The following GPR107 variants were observed in gnomAD, a reference collection of about 807,000 sequenced individuals.
GPR107 encodes G protein-coupled receptor 107.
A neutral mutation model predicts 75.5 loss-of-function variants in GPR107; 31 were observed. The observed-to-expected ratio is 0.41, with a 90% CI of 0.31 to 0.55. GPR107 has a LOEUF of 0.55. Ranked by LOEUF, GPR107 falls within the 20% of genes least tolerant of loss-of-function variation. The pLI, the probability that GPR107 is intolerant of heterozygous loss-of-function variation, is 0.26. For synonymous variants in GPR107, 267 were observed against 251.3 expected (o/e 1.06, Z -0.59); for missense variants, 572 against 665.7 (o/e 0.86, Z 1.55).
chr9:130,079,248 C>T (rs1465364733), intron 4 of GPR107, among the ~76,000 whole-genome samples: 1 of 152,210 alleles, frequency 6.6e-6, no homozygotes, highest in Non-Finnish European at 1.5e-5. Context: ...CAGGCGTGAG[C>T]CACCATGCCT....
chr9:130,071,191 ATT>A (rs1233744458), intron 1 of GPR107, among the ~76,000 whole-genome samples: 44 of 134,942 alleles, frequency 3.3e-4, no homozygotes, highest in Admixed American at 3.8e-4. Flanking sequence ...CAACTGGCTA[ATT>A]TTTTTTTTTT....
At chr9:130,084,604 C>T (rs1486615647) in intron 6 of GPR107, among the ~76,000 whole-genome samples, 1 of 151,892 alleles carries the variant, frequency 6.6e-6, no homozygotes, top group Admixed American at 6.6e-5. Context: ...ATGGCGAAAC[C>T]TTATCTCTAC....
intron 1 of GPR107, among the ~76,000 whole-genome samples, chr9:130,056,034 G>A (rs1364449231): frequency 8.4e-6 from 1 of 118,852 alleles, no homozygotes; most frequent in African/African-American, 3.2e-5. Flanking sequence ...TTGTTTGTAG[G>A]TAAAAATTAT....
intron 8 of GPR107, among the ~76,000 whole-genome samples, chr9:130,091,201 T>G (rs9696633): frequency 6.6e-6 from 1 of 152,098 alleles, no homozygotes; most frequent in Non-Finnish European, 1.5e-5. Flanking sequence ...AGAATGTGGT[T>G]GTTTTGGCTG....
rs684948 is a variant in GPR107 at position 130,062,664 on chromosome 9, T to G, written c.141+8591T>G. ...TGCCTGCCTGCCTGCCTGCCTGCCTTCCTTCCTTCCTTCCTTCCTTCCTTC... is the reference window on the plus strand; with the variant it reads ...TGCCTGCCTGCCTGCCTGCCTGCCTGCCTTCCTTCCTTCCTTCCTTCCTTC... On this transcript the variant is annotated intron_variant, in intron 1 of 17. Coordinates refer to ENST00000347136, the MANE Select transcript of GPR107 (RefSeq NM_020960.5). Among the ~76,000 whole-genome samples the G allele has an allele frequency of 3.7e-3, 282 of 75,782 alleles. 2 individuals carry two copies. The highest frequency in any genetic ancestry group is 7.1e-3 in the Middle Eastern group (1 of 140). 49.7% of individuals were successfully genotyped at this position (75,782 alleles called of 152,430 possible). A position where few individuals can be genotyped will look rare whatever the true frequency, so the allele number is the denominator to read the frequency against.
intron 14 of GPR107, among the ~76,000 whole-genome samples, chr9:130,108,336 ACT>A (rs1312300027): frequency 1.3e-5 from 2 of 152,162 alleles, no homozygotes; most frequent in Non-Finnish European, 2.9e-5. Context: ...TTTGTTGCTG[ACT>A]CTATTTCTGA....
At chr9:130,095,562 T>C (rs562507064) in intron 9 of GPR107, among the ~76,000 whole-genome samples, 17 of 152,206 alleles carry the variant, frequency 1.1e-4, no homozygotes, top group Non-Finnish European at 2.4e-4. Context: ...GCCTGGCTTA[T>C]TTTTGTATTT....
chr9:130,108,976 A>T (rs1048717695), intron 14 of GPR107, among the ~76,000 whole-genome samples: 32 of 149,962 alleles, frequency 2.1e-4, no homozygotes, highest in African/African-American at 7.8e-4. Context: ...CACCTCTAGG[A>T]ATAATTGGGG....
At chr9:130,078,113 C>T (rs1021514942) in intron 4 of GPR107, among the ~76,000 whole-genome samples, 15 of 150,782 alleles carry the variant, frequency 9.9e-5, no homozygotes, top group African/African-American at 3.7e-4. Context: ...TGCGGTGAGC[C>T]GAGATCGCGC....
chr9:130,104,370 A>G (rs779262011), intron 12 of GPR107, 50 bp from the exon 13 acceptor site: 5 of 1,586,778 alleles, frequency 3.2e-6, no homozygotes, highest in South Asian at 2.2e-5. Flanking sequence ...TGCTAGCATC[A>G]TAACAGTCCA....
intron 3 of GPR107, among the ~76,000 whole-genome samples, 198 bp downstream of exon 3, chr9:130,076,660 G>A (rs1182727861): frequency 2.6e-5 from 4 of 152,038 alleles, no homozygotes; most frequent in South Asian, 4.1e-4. Flanking sequence ...GACTACCAGC[G>A]TGTGCCACCA....
rs1554899736 is a variant in GPR107 at position 130,135,075 on chromosome 9, C to A, written c.1613C>A (p.Thr538Asn). ...MESMKKVKKV[T>N]NGSVEPQGEW... ...AGTATGAAGAAAGTCAAGAAGGTGACCAACGGCTCCGTGGAGCCCCAGGGC... is the reference window on the plus strand; with the variant it reads ...AGTATGAAGAAAGTCAAGAAGGTGAACAACGGCTCCGTGGAGCCCCAGGGC... Residue 538 changes from threonine to asparagine, a missense_variant, in exon 18 of 18, where the codon ACC (threonine) becomes AAC (asparagine). Thr to Asn is a moderately conservative substitution (Grantham distance 65). Coordinates refer to ENST00000347136, the MANE Select transcript of GPR107 (RefSeq NM_020960.5). 6.2e-7 allele frequency: 1 copy of A among 1,611,556 alleles called. No individual in the cohort carries two copies. The highest frequency in any genetic ancestry group is 8.5e-7 in the Non-Finnish European group (1 of 1,178,378).
In GPR107 at chr9:130,103,433, G is replaced by A. The variant is rs117255951; in HGVS notation, c.1132-987G>A. Among the ~76,000 whole-genome samples the A allele has an allele frequency of 0.012, 1,854 of 152,260 alleles. 16 individuals are homozygous for A. Among genetic ancestry groups the A allele is most frequent in the Middle Eastern group, 0.017 (5 of 294 alleles). On this transcript the variant is annotated intron_variant, in intron 12 of 17. Transcript: ENST00000347136. The surrounding 1 kb of genome is among the most constrained non-coding windows in gnomAD (Gnocchi z 4.3). ...ATGATAACCTCTGCATCCATTCCCAGTGGTAATCTTCAAAAGGATGTATTA... is the reference window on the plus strand; with the variant it reads ...ATGATAACCTCTGCATCCATTCCCAATGGTAATCTTCAAAAGGATGTATTA...
At chr9:130,063,690 G>A (rs1331603288) in intron 1 of GPR107, among the ~76,000 whole-genome samples, 2 of 151,254 alleles carry the variant, frequency 1.3e-5, no homozygotes, top group African/African-American at 4.9e-5. Flanking sequence ...GATTGCTGGG[G>A]TTTCTTAATA....
intron 14 of GPR107, among the ~76,000 whole-genome samples, chr9:130,114,026 A>ATTATTT (rs1589522328): frequency 1.3e-5 from 1 of 75,410 alleles, no homozygotes. Flanking sequence ...TGGTCTTCTC[A>ATTATTT]TTCTTTTTTT....
intron 12 of GPR107, 66 bp from the exon 13 acceptor site, chr9:130,104,354 T>C: frequency 6.7e-7 from 1 of 1,498,910 alleles, no homozygotes; most frequent in Non-Finnish European, 9.2e-7. Flanking sequence ...CACCCCACAT[T>C]GGGGCTGCTA....
chr9:130,110,555 G>A (rs1589520002), intron 14 of GPR107: 2 of 655,872 alleles, frequency 3.0e-6, no homozygotes, highest in South Asian at 3.4e-5. Flanking sequence ...TGTCATTTTG[G>A]TTCATGTTCT....
intron 1 of GPR107, among the ~76,000 whole-genome samples, chr9:130,070,479 T>G (rs1031060759): frequency 6.6e-6 from 1 of 152,096 alleles, no homozygotes; most frequent in African/African-American, 2.4e-5. Context: ...ACTTTTTGTA[T>G]TTTTTGTAGA....
Position 130,135,143 on chromosome 9 carries a change from C to T in GPR107, c.*22C>T, listed in dbSNP as rs782171941. ...GTGACAGAGCCGACCCTGAGGATGGCACTGTCCAAGGAAACTGTTAACTTA... is the reference window on the plus strand; with the variant it reads ...GTGACAGAGCCGACCCTGAGGATGGTACTGTCCAAGGAAACTGTTAACTTA... On this transcript the variant is annotated 3_prime_UTR_variant, in exon 18 of 18. Coordinates refer to ENST00000347136, the MANE Select transcript of GPR107 (RefSeq NM_020960.5). 12 of 1,382,888 alleles carry T rather than the reference C, an allele frequency of 8.7e-6. No homozygotes were observed. The highest frequency in any genetic ancestry group is 2.3e-5 in the East Asian group (1 of 43,506). The allele number at this position is 1,382,888 out of a possible 1,614,324, so 85.7% of individuals were successfully genotyped here. A position where few individuals can be genotyped will look rare whatever the true frequency, so the allele number is the denominator to read the frequency against.
Sources: gnomAD v4.1 joint callset for allele counts (sites outside exome capture counted in the v4.1 genomes callset) on GRCh38, gnomAD v4.1.1 for gene constraint, Gnocchi (gnomAD v3.1) non-coding constraint, MANE v1.5 for transcripts, NCBI Gene and HGNC (gene_info 2026-07-23, HGNC 2026-07-21) for gene names.